Variants in GNA12 observed in about 807,000 individuals in gnomAD.
GNA12 encodes G protein subunit alpha 12, also known as guanine nucleotide-binding protein subunit alpha-12.
A neutral mutation model predicts 26.0 loss-of-function variants in GNA12; 9 were observed. The ratio of observed to expected loss-of-function variants is 0.35; its 90% CI spans 0.21 to 0.60. GNA12 has a LOEUF of 0.60. GNA12 is among the 20% of genes least tolerant of loss of function. GNA12 has a pLI of 0.78. For missense variants in GNA12, 405 were observed against 525.8 expected, an observed-to-expected ratio of 0.77 and a Z score of 2.25; for synonymous variants, 264 against 219.6, an observed-to-expected ratio of 1.20 and a Z score of -1.79.
intron 1 of GNA12, among the ~76,000 whole-genome samples, chr7:2,799,065 T>C (rs888398431): frequency 6.6e-6 from 1 of 152,190 alleles, no homozygotes; most frequent in African/African-American, 2.4e-5. Context: ...ATCTTCAGGA[T>C]GTAGGGTGTG....
chr7:2,818,337 T>A (rs549092700), intron 1 of GNA12, among the ~76,000 whole-genome samples: 2 of 152,272 alleles, frequency 1.3e-5, no homozygotes, highest in South Asian at 4.1e-4. Flanking sequence ...GCGGCACCCA[T>A]CAGTGTCACA....
chr7:2,789,357 G>T lies in GNA12; in HGVS notation c.525+5571C>A, dbSNP rs578203345. Among the ~76,000 whole-genome samples the T allele has an allele frequency of 6.7e-4, 96 of 143,148 alleles. 1 individual carries two copies. The highest frequency in any genetic ancestry group is 2.4e-3 in the African/African-American group (88 of 36,752). 93.9% of individuals were successfully genotyped at this position (143,148 alleles called of 152,430 possible). On this transcript the variant is annotated intron_variant, in intron 2 of 3. Coordinates refer to ENST00000275364, the MANE Select transcript of GNA12 (RefSeq NM_007353.3). ...TCACCGTTTTAGCCGGGATGGTCTC[G>T]ATCTCCTGACCTCGTGATCCGCCCG... is the stretch of plus-strand genomic sequence containing the variant.
At chr7:2,795,196 C>T in intron 1 of GNA12, 53 bp from the exon 2 acceptor site, 1 of 1,371,606 alleles carries the variant, frequency 7.3e-7, no homozygotes, top group East Asian at 2.3e-5. Flanking sequence ...AAGACTAAAC[C>T]ACGCTAGAGA....
chr7:2,788,279 C>T (rs1322155745), intron 2 of GNA12, among the ~76,000 whole-genome samples: 1 of 152,236 alleles, frequency 6.6e-6, no homozygotes, highest in Non-Finnish European at 1.5e-5. Flanking sequence ...GGACAGTTTG[C>T]TGGCTGTGAG....
chr7:2,735,413 C>T (rs1342876442), intron 2 of GNA12, among the ~76,000 whole-genome samples: 2 of 152,142 alleles, frequency 1.3e-5, no homozygotes, highest in African/African-American at 2.4e-5. Flanking sequence ...GGCACAGATG[C>T]CCCAGCCAGT....
At chr7:2,772,104 A>C (rs976442985) in intron 2 of GNA12, among the ~76,000 whole-genome samples, 1 of 152,236 alleles carries the variant, frequency 6.6e-6, no homozygotes, top group African/African-American at 2.4e-5. Context: ...CCTTTTAAAA[A>C]AATTGTTTTC....
chr7:2,755,706 G>A (rs769743205), intron 2 of GNA12, among the ~76,000 whole-genome samples: 7 of 152,128 alleles, frequency 4.6e-5, no homozygotes, highest in African/African-American at 9.7e-5. Flanking sequence ...CTTTTTCTCT[G>A]ATATGTCTAC....
chr7:2,759,355 C>T (rs567447718), intron 2 of GNA12, among the ~76,000 whole-genome samples: 27 of 152,264 alleles, frequency 1.8e-4, no homozygotes, highest in African/African-American at 6.3e-4. Flanking sequence ...TATGTGCCTG[C>T]ACTGTTCTAA....
At chr7:2,759,038 G>T (rs1487013021) in intron 2 of GNA12, among the ~76,000 whole-genome samples, 2 of 151,946 alleles carry the variant, frequency 1.3e-5, no homozygotes, top group East Asian at 1.9e-4. Flanking sequence ...TACTGGGGAG[G>T]CTGAGGCAGG....
Position 2,844,303 on chromosome 7 carries a change from T to C in GNA12, c.-142A>G. 1 of 260,526 alleles carries C rather than the reference T, an allele frequency of 3.8e-6. No individual in the cohort carries two copies. Among genetic ancestry groups the C allele is most frequent in the Non-Finnish European group, 5.9e-6 (1 of 168,226 alleles). 16.1% of individuals were successfully genotyped at this position (260,526 alleles called of 1,614,324 possible). ...CGTCCGCCGCCGCCGCTGCAGTCGCTCCGAGGCCCGCACTCGTCGCCCGGC... is the reference window on the plus strand; with the variant it reads ...CGTCCGCCGCCGCCGCTGCAGTCGCCCCGAGGCCCGCACTCGTCGCCCGGC... On this transcript the variant is annotated 5_prime_UTR_variant, in exon 1 of 4. Transcript: ENST00000275364.
At chr7:2,788,348 G>A (rs1792419510) in intron 2 of GNA12, among the ~76,000 whole-genome samples, 1 of 152,108 alleles carries the variant, frequency 6.6e-6, no homozygotes, top group Non-Finnish European at 1.5e-5. Flanking sequence ...CCGTTCAGGA[G>A]ACTTCTGAGG....
chr7:2,776,665 C>T (rs1389707509), intron 2 of GNA12, among the ~76,000 whole-genome samples: 1 of 152,206 alleles, frequency 6.6e-6, no homozygotes, highest in Non-Finnish European at 1.5e-5. Flanking sequence ...ATTTTTCTTC[C>T]TTCCTTGCAT....
At chr7:2,771,554 G>A (rs764425416) in intron 2 of GNA12, among the ~76,000 whole-genome samples, 7 of 152,130 alleles carry the variant, frequency 4.6e-5, no homozygotes, top group Non-Finnish European at 1.0e-4. Flanking sequence ...GATCTTAGAG[G>A]ACACTCCCTT....
chr7:2,748,875 A>G (rs1382876418), intron 2 of GNA12, among the ~76,000 whole-genome samples: 6 of 152,162 alleles, frequency 3.9e-5, no homozygotes, highest in East Asian at 1.9e-4. Flanking sequence ...CTTCTCAAAA[A>G]AAGACATTTA....
At chr7:2,832,708 G>C (rs987993051) in intron 1 of GNA12, among the ~76,000 whole-genome samples, 7 of 152,176 alleles carry the variant, frequency 4.6e-5, no homozygotes, top group African/African-American at 1.2e-4. Flanking sequence ...CTTCAGACTA[G>C]ACAGTAAAAT....
chr7:2,779,756 C>T (rs1223171725), intron 2 of GNA12, among the ~76,000 whole-genome samples: 1 of 151,700 alleles, frequency 6.6e-6, no homozygotes, highest in Non-Finnish European at 1.5e-5. Context: ...TACCACCACG[C>T]CTGGATAATT....
intron 2 of GNA12, among the ~76,000 whole-genome samples, chr7:2,737,964 G>C (rs1031250101): frequency 8.5e-5 from 13 of 152,206 alleles, no homozygotes; most frequent in African/African-American, 3.1e-4. Flanking sequence ...GTGAACGCCT[G>C]TGACATCTCA....
chr7:2,752,320 A>G (rs1791081218), intron 2 of GNA12, among the ~76,000 whole-genome samples: 2 of 152,336 alleles, frequency 1.3e-5, no homozygotes, highest in South Asian at 4.1e-4. Flanking sequence ...TATGAAAACC[A>G]TGCAACTAAC....
intron 2 of GNA12, among the ~76,000 whole-genome samples, chr7:2,754,153 G>C (rs1791177764): frequency 6.6e-6 from 1 of 152,092 alleles, no homozygotes; most frequent in Non-Finnish European, 1.5e-5. Flanking sequence ...ATTTTCTATT[G>C]TATCTGTGTT....
Sources: gnomAD v4.1 joint callset for allele counts (sites outside exome capture counted in the v4.1 genomes callset) on GRCh38, gnomAD v4.1.1 for gene constraint, MANE v1.5 for transcripts, NCBI Gene and HGNC (gene_info 2026-07-23, HGNC 2026-07-21) for gene names.